The following CNTLN variants were observed in gnomAD, a reference collection of about 807,000 sequenced individuals.
CNTLN encodes centlein, centrosomal protein.
Under a neutral mutation model 180.0 loss-of-function variants are expected in CNTLN, and 212 were observed. That is an observed-to-expected ratio of 1.18 (90% CI 1.05 to 1.32). The LOEUF is 1.32. Ranked by LOEUF, CNTLN falls within the 40% of genes most tolerant of loss-of-function variation. CNTLN has a pLI of 0.00. For synonymous variants in CNTLN, 722 were observed against 563.1 expected, an observed-to-expected ratio of 1.28 and a Z score of -3.99; for missense variants, 2,095 against 1,610.9, an observed-to-expected ratio of 1.30 and a Z score of -5.14.
rs151260386 is a variant in CNTLN, at chr9:17,379,001, T to C, written c.1988-9161T>C. On this transcript the variant is annotated intron_variant, in intron 13 of 25. Transcript: ENST00000380647. The stretch of plus-strand genomic sequence containing the variant: ...CATACACCTGAAAAAATCCCTATTT[T>C]TCTTCATTTTGAAAGGTATTTTCAG... 2.0e-3 allele frequency among the ~76,000 whole-genome samples: 299 copies of C among 152,324 alleles called. 3 individuals carry two copies. Among genetic ancestry groups the C allele is most frequent in the African/African-American group, 7.0e-3 (290 of 41,568 alleles).
At chr9:17,356,286 A>T (rs1219571120) in intron 12 of CNTLN, among the ~76,000 whole-genome samples, 1 of 152,230 alleles carries the variant, frequency 6.6e-6, no homozygotes, top group African/African-American at 2.4e-5. Context: ...ATAATCAAGC[A>T]CAAGAAACTC....
intron 12 of CNTLN, among the ~76,000 whole-genome samples, chr9:17,354,443 G>A (rs1043243267): frequency 6.6e-6 from 1 of 152,146 alleles, no homozygotes; most frequent in Non-Finnish European, 1.5e-5. Context: ...CTAGCTCAGG[G>A]ATTGTAAATA....
chr9:17,441,887 A>C lies in CNTLN; in HGVS notation c.3115-15637A>C, dbSNP rs141401278. 6.7e-3 allele frequency among the ~76,000 whole-genome samples: 1,025 copies of C among 152,308 alleles called. 12 individuals carry two copies. Among genetic ancestry groups the C allele is most frequent in the African/African-American group, 0.023 (967 of 41,566 alleles). Reference sequence around the variant, plus strand: ...ATACAAAGGGTAAGCAAAGGAGAGAAGGGGTGGCTATACCAATATCACATA... The same window carrying C: ...ATACAAAGGGTAAGCAAAGGAGAGACGGGGTGGCTATACCAATATCACATA... On this transcript the variant is annotated intron_variant, in intron 18 of 25. Transcript: ENST00000380647.
downstream of CNTLN, among the ~76,000 whole-genome samples, chr9:17,505,856 T>A (rs1833924405): frequency 1.3e-5 from 2 of 152,114 alleles, no homozygotes; most frequent in Non-Finnish European, 2.9e-5. Flanking sequence ...GAGACATCAC[T>A]TTACCCAGTT....
chr9:17,205,662 A>C (rs969648258), intron 2 of CNTLN, among the ~76,000 whole-genome samples: 16 of 152,212 alleles, frequency 1.1e-4, no homozygotes, highest in African/African-American at 3.9e-4. Context: ...TTGTATACCA[A>C]CTCTTGGTCA....
chr9:17,166,297 G>A (rs1167912337), intron 2 of CNTLN, among the ~76,000 whole-genome samples: 2 of 152,120 alleles, frequency 1.3e-5, no homozygotes, highest in African/African-American at 4.8e-5. Context: ...TAGAAGACGA[G>A]GTTGAATAAA....
chr9:17,158,718 C>G (rs1254472451), intron 2 of CNTLN, among the ~76,000 whole-genome samples: 4 of 151,978 alleles, frequency 2.6e-5, no homozygotes, highest in Non-Finnish European at 4.4e-5. Flanking sequence ...TAATATCCCC[C>G]CCTTTTATTT....
intron 13 of CNTLN, 139 bp downstream of exon 13, chr9:17,366,856 AT>A: frequency 1.9e-6 from 1 of 538,416 alleles, no homozygotes; most frequent in Non-Finnish European, 3.3e-6. Flanking sequence ...ACTCACTAAC[AT>A]TTTCATCCTG....
At chr9:17,491,476 C>G (rs1420451214) in intron 25 of CNTLN, among the ~76,000 whole-genome samples, 1 of 151,930 alleles carries the variant, frequency 6.6e-6, no homozygotes, top group Non-Finnish European at 1.5e-5. Flanking sequence ...ATAGTTATAA[C>G]CAGAGTGTGG....
intron 2 of CNTLN, among the ~76,000 whole-genome samples, chr9:17,188,960 A>G (rs1821612966): frequency 6.7e-6 from 1 of 148,810 alleles, no homozygotes; most frequent in Admixed American, 6.7e-5. Flanking sequence ...GACATTATGA[A>G]TTTTATCTTA....
intron 2 of CNTLN, among the ~76,000 whole-genome samples, chr9:17,157,332 C>G (rs1390953654): frequency 6.6e-6 from 1 of 152,108 alleles, no homozygotes; most frequent in Non-Finnish European, 1.5e-5. Flanking sequence ...CAGGATTATC[C>G]TTTGCTAATA....
At chr9:17,357,342 C>T (rs887009949) in intron 12 of CNTLN, among the ~76,000 whole-genome samples, 1 of 151,690 alleles carries the variant, frequency 6.6e-6, no homozygotes, top group African/African-American at 2.4e-5. Context: ...CAACAGGATT[C>T]TTTGTATCCT....
At position 17,259,229 on chromosome 9, in the gene CNTLN, T is replaced by C. The variant is rs931395558; in HGVS notation, c.850-14504T>C. 1.3e-5 allele frequency among the ~76,000 whole-genome samples: 2 copies of C among 149,804 alleles called. 1 individual carries two copies. The highest frequency in any genetic ancestry group is 5.0e-5 in the African/African-American group (2 of 39,624). On this transcript the variant is annotated intron_variant, in intron 5 of 25. Coordinates refer to ENST00000380647, the MANE Select transcript of CNTLN (RefSeq NM_017738.4). ...AAGGCCTTTTCTGCATCTATTGAGA[T>C]AATCATGTGGTTTTTGTCTTTGGTT... is the stretch of plus-strand genomic sequence containing the variant.
chr9:17,232,587 A>AT (rs1313446482), intron 3 of CNTLN, among the ~76,000 whole-genome samples: 1 of 152,000 alleles, frequency 6.6e-6, no homozygotes. Flanking sequence ...AAATTTTGTC[A>AT]TTTCTCCTTC....
intron 2 of CNTLN, among the ~76,000 whole-genome samples, chr9:17,214,178 T>C (rs972195565): frequency 1.2e-4 from 18 of 152,216 alleles, no homozygotes; most frequent in Non-Finnish European, 1.9e-4. Context: ...GGCATGTTTT[T>C]GCAGTGACTG....
chr9:17,161,518 A>G (rs1586959492), intron 2 of CNTLN, among the ~76,000 whole-genome samples: 2 of 152,336 alleles, frequency 1.3e-5, no homozygotes, highest in South Asian at 4.1e-4. Flanking sequence ...TAAATACATT[A>G]GGAGCCATAA....
At chr9:17,176,283 T>C (rs972802211) in intron 2 of CNTLN, among the ~76,000 whole-genome samples, 1 of 151,538 alleles carries the variant, frequency 6.6e-6, no homozygotes, top group Non-Finnish European at 1.5e-5. Flanking sequence ...AGATTGCTGA[T>C]AATTTTTTTT....
intron 5 of CNTLN, among the ~76,000 whole-genome samples, chr9:17,256,806 T>A (rs1236952840): frequency 6.6e-6 from 1 of 151,820 alleles, no homozygotes; most frequent in Non-Finnish European, 1.5e-5. Flanking sequence ...CACTGGCCTG[T>A]TTCGATATTT....
At chr9:17,277,321 T>G in intron 6 of CNTLN, among the ~76,000 whole-genome samples, 1 of 152,066 alleles carries the variant, frequency 6.6e-6, no homozygotes, top group African/African-American at 2.4e-5. Flanking sequence ...TGAGAATTTT[T>G]GTTAGAAATT....
Sources: allele counts gnomAD v4.1 joint callset (sites outside exome capture counted in the v4.1 genomes callset), GRCh38; gene constraint gnomAD v4.1.1; transcripts MANE v1.5; gene names NCBI Gene and HGNC (gene_info 2026-07-23, HGNC 2026-07-21).